The following IL1RL2 variants were observed in gnomAD, a reference collection of about 807,000 sequenced individuals.
IL1RL2 encodes the protein interleukin 1 receptor like 2, also known as interleukin-1 receptor-like 2.
A neutral mutation model predicts 66.8 loss-of-function variants in IL1RL2; 68 were observed. The observed-to-expected ratio is 1.02, with a 90% CI of 0.84 to 1.25. The LOEUF is 1.25. Among genes scored for constraint, IL1RL2 ranks in the 50% most tolerant of loss-of-function variants. The pLI, the probability that IL1RL2 is intolerant of heterozygous loss-of-function variation, is 0.00. For missense variants in IL1RL2, 729 were observed against 709.3 expected, an observed-to-expected ratio of 1.03 and a Z score of -0.32; for synonymous variants, 305 against 264.6, an observed-to-expected ratio of 1.15 and a Z score of -1.48.
At chr2:102,188,701 T>G (rs1158039895) in intron 2 of IL1RL2, among the ~76,000 whole-genome samples, 3 of 148,764 alleles carry the variant, frequency 2.0e-5, no homozygotes, top group African/African-American at 7.4e-5. Context: ...CAGAGTAAAA[T>G]AACTGGGTGG....
intron 5 of IL1RL2, among the ~76,000 whole-genome samples, chr2:102,204,686 C>CT (rs145321871): frequency 0.28 from 42,423 of 151,282 alleles, 6,560 homozygotes; most frequent in East Asian, 0.39. Context: ...TACTCCTGCT[C>CT]TTTTTTTTGT....
chr2:102,195,585 CTTTCTT>C (rs1559529834), intron 4 of IL1RL2, among the ~76,000 whole-genome samples: 96 of 58,734 alleles, frequency 1.6e-3, no homozygotes, highest in South Asian at 3.8e-3. Flanking sequence ...TTCTTTCTTT[CTTTCTT>C]TCTTTCTTTC....
chr2:102,241,623 G>A (rs1675234216), downstream of IL1RL2, among the ~76,000 whole-genome samples: 2 of 152,198 alleles, frequency 1.3e-5, no homozygotes, highest in Non-Finnish European at 2.9e-5. Context: ...AGGTAGGGGG[G>A]CATTTACCAT....
At chr2:102,227,878 T>C (rs1283608779) in intron 9 of IL1RL2, among the ~76,000 whole-genome samples, 3 of 152,102 alleles carry the variant, frequency 2.0e-5, no homozygotes, top group Non-Finnish European at 4.4e-5. Context: ...AGCGTGACTA[T>C]AGCTGTGACT....
intron 6 of IL1RL2, among the ~76,000 whole-genome samples, chr2:102,218,110 A>G (rs1689768643): frequency 1.3e-5 from 2 of 152,162 alleles, no homozygotes. Context: ...AACAAAAAAC[A>G]GAACAACAAA....
Position 102,189,252 on chromosome 2 carries a change from T to G in IL1RL2, c.235T>G (p.Trp79Gly). The G allele has an allele frequency of 1.9e-6, 3 of 1,613,958 alleles. No homozygotes were observed. The highest frequency in any genetic ancestry group is 2.5e-6 in the Non-Finnish European group (3 of 1,179,966). The part of the protein sequence containing the change: ...IQSRIHQDET[W>G]ILFLPMEWGD... Reference sequence around the variant, plus strand: ...GTCTAGAATTCACCAGGACGAGACTTGGATTTTGTTTCTCCCCATGGAATG... The same window carrying G: ...GTCTAGAATTCACCAGGACGAGACTGGGATTTTGTTTCTCCCCATGGAATG... Residue 79 changes from tryptophan (W) to glycine (G), a missense_variant, in exon 3 of 12, where the codon TGG (tryptophan) becomes GGG (glycine). Transcript: ENST00000264257.
At chr2:102,203,789 T>C (rs540885434) in intron 5 of IL1RL2, among the ~76,000 whole-genome samples, 1 of 152,214 alleles carries the variant, frequency 6.6e-6, no homozygotes, top group Admixed American at 6.5e-5. Context: ...GTTTTATTTA[T>C]TTGTATCTCC....
At chr2:102,213,193 C>T (rs916614700) in intron 6 of IL1RL2, among the ~76,000 whole-genome samples, 1 of 152,078 alleles carries the variant, frequency 6.6e-6, no homozygotes, top group Non-Finnish European at 1.5e-5. Context: ...CATACTCTTG[C>T]TTTGAGAAAT....
intron 8 of IL1RL2, among the ~76,000 whole-genome samples, chr2:102,224,190 C>T (rs1690396622): frequency 6.6e-6 from 1 of 152,082 alleles, no homozygotes; most frequent in Non-Finnish European, 1.5e-5. Context: ...ATATAACAAC[C>T]ATATGATCCA....
chr2:102,211,387 GA>G (rs1205157608), intron 5 of IL1RL2, among the ~76,000 whole-genome samples: 1 of 152,046 alleles, frequency 6.6e-6, no homozygotes, highest in Non-Finnish European at 1.5e-5. Flanking sequence ...GTGGTAGGAT[GA>G]AAGAGTTAGA....
At chr2:102,186,978 C>T, upstream of IL1RL2, 2 of 1,283,572 alleles carry the variant, frequency 1.6e-6, no homozygotes, top group Non-Finnish European at 2.0e-6. Context: ...TCTGCCCCGC[C>T]CACGGTGGCG....
At chr2:102,220,096 C>A in intron 8 of IL1RL2, 79 bp downstream of exon 8, 1 of 1,320,448 alleles carries the variant, frequency 7.6e-7, no homozygotes, top group Non-Finnish European at 1.0e-6. Flanking sequence ...AGCAGTGACT[C>A]TAAATGCTCA....
chr2:102,233,085 A>T lies in IL1RL2; in HGVS notation c.1258A>T (p.Lys420Ter). 6.2e-7 allele frequency: 1 copy of T among 1,613,898 alleles called. No homozygotes were observed. Among genetic ancestry groups the T allele is most frequent in the East Asian group, 2.2e-5 (1 of 44,878 alleles). ...GGTGTTGGAGAGACAATGTGGATAT[A>T]AGTTGTTTATATTCGGCAGAGATGA... ...PEVLERQCGY[K>*]LFIFGRDEFP... The change falls in exon 10 of 12, where the codon AAG becomes TAG. Residue 420 changes from lysine to a stop codon, truncating the protein, a stop_gained. Coordinates refer to ENST00000264257, the MANE Select transcript of IL1RL2 (RefSeq NM_003854.4). LOFTEE classifies it high-confidence loss of function.
chr2:102,217,643 C>G (rs534521516), intron 6 of IL1RL2, among the ~76,000 whole-genome samples: 1 of 152,100 alleles, frequency 6.6e-6, no homozygotes, highest in Non-Finnish European at 1.5e-5. Flanking sequence ...CAACAGCCAA[C>G]TGATATTTGA....
At position 102,202,480 on chromosome 2, in the gene IL1RL2, A is replaced by G. The variant is rs569592964; in HGVS notation, c.649+765A>G. Among the ~76,000 whole-genome samples the G allele has an allele frequency of 5.3e-5, 8 of 151,900 alleles. No homozygotes were observed. In the South Asian group the frequency reaches 1.7e-3, roughly 32 times the overall value. On this transcript the variant is annotated intron_variant, in intron 5 of 11. Transcript: ENST00000264257. Reference sequence around the variant, plus strand: ...TATATTTATAATCCATGAGCATAGAATATTTTTTCATTTTTTGGTGTCCTC... The same window carrying G: ...TATATTTATAATCCATGAGCATAGAGTATTTTTTCATTTTTTGGTGTCCTC...
intron 4 of IL1RL2, among the ~76,000 whole-genome samples, chr2:102,196,125 G>A (rs1005573757): frequency 1.3e-5 from 2 of 152,148 alleles, no homozygotes; most frequent in African/African-American, 4.8e-5. Context: ...TGTTTCTGCA[G>A]CACTTGGAGA....
At chr2:102,196,845 AC>A in intron 4 of IL1RL2, among the ~76,000 whole-genome samples, 1 of 152,292 alleles carries the variant, frequency 6.6e-6, no homozygotes, top group East Asian at 1.9e-4. Context: ...GAAAATAAAC[AC>A]CATTTATGCC....
chr2:102,187,367 A>T (rs969454145), intron 1 of IL1RL2: 10 of 1,154,456 alleles, frequency 8.7e-6, no homozygotes, highest in Admixed American at 3.8e-5. Flanking sequence ...GCTGCTCCCC[A>T]GTGAGCGGGT....
At chr2:102,187,752 G>A (rs1030595283) in intron 1 of IL1RL2, 104 bp from the exon 2 acceptor site, 7 of 964,924 alleles carry the variant, frequency 7.3e-6, no homozygotes, top group Non-Finnish European at 1.2e-5. Context: ...GGGAAGGTCA[G>A]CGGCCTGGGC....
Sources: allele counts gnomAD v4.1 joint callset (sites outside exome capture counted in the v4.1 genomes callset), GRCh38; gene constraint gnomAD v4.1.1; transcripts MANE v1.5; gene names NCBI Gene and HGNC (gene_info 2026-07-23, HGNC 2026-07-21).